The following ANO7 variants were observed in gnomAD, a reference collection of about 807,000 sequenced individuals.
ANO7 encodes the protein anoctamin-7.
Under a neutral mutation model 115.8 loss-of-function variants are expected in ANO7, and 114 were observed. The observed-to-expected ratio is 0.98, with a 90% confidence interval of 0.85 to 1.15. The LOEUF (loss-of-function observed/expected upper bound fraction) is 1.15. Ranked by LOEUF, ANO7 falls within the 50% of genes most tolerant of loss-of-function variation. The pLI is 0.00. For missense variants in ANO7, 1,302 were observed against 1,201.2 expected, an observed-to-expected ratio of 1.08 and a Z score of -1.24; for synonymous variants, 550 against 498.2, an observed-to-expected ratio of 1.10 and a Z score of -1.38.
intron 17 of ANO7, chr2:241,212,965 G>A (rs766328333): frequency 1.9e-5 from 5 of 263,736 alleles, no homozygotes; most frequent in South Asian, 1.1e-4. Flanking sequence ...AGTCCTCATC[G>A]CCACAAAAAT....
chr2:241,201,260 C>T (rs779374568), intron 6 of ANO7, 38 bp from the exon 7 acceptor site: 1 of 1,605,254 alleles, frequency 6.2e-7, no homozygotes, highest in East Asian at 2.3e-5. Flanking sequence ...ATGCCCACAG[C>T]TTCCTCCAAA....
Position 241,223,251 on chromosome 2 carries a change from G to T in ANO7, c.2387G>T (p.Arg796Leu). ...ACCTACTGGAATCTTCTTGCCATCCGCCTGGCCTTCGTCATTGTGTTTGAG... is the reference window on the plus strand; with the variant it reads ...ACCTACTGGAATCTTCTTGCCATCCTCCTGGCCTTCGTCATTGTGTTTGAG... ...SQTYWNLLAI[R>L]LAFVIVFEHV... is the part of the protein sequence containing the mutation. Residue 796 changes from arginine to leucine, a missense_variant, in exon 22 of 25, where the codon CGC becomes CTC. Physicochemically the swap from Arg to Leu is moderately radical, Grantham distance 102 (BLOSUM62 -2). Coordinates refer to ENST00000674324, the MANE Select transcript of ANO7 (RefSeq NM_001370694.2). 1 of 1,614,204 alleles carries T rather than the reference G, an allele frequency of 6.2e-7. No individual in the cohort carries two copies. Among genetic ancestry groups the T allele is most frequent in the Non-Finnish European group, 8.5e-7 (1 of 1,180,040 alleles).
intron 21 of ANO7, among the ~76,000 whole-genome samples, chr2:241,218,932 A>G: frequency 6.6e-6 from 1 of 152,228 alleles, no homozygotes; most frequent in East Asian, 1.9e-4. Context: ...AGTTTTGGTC[A>G]GGGGTTAATA....
rs537638105 is a variant in ANO7, at chr2:241,203,535, C to G, written c.889+37C>G. On this transcript the variant is annotated intron_variant, in intron 9 of 24. Transcript: ENST00000674324. The surrounding 1 kb of genome is among the most constrained non-coding windows in gnomAD (Gnocchi z 4.8). ...CCGCTGCCCCCCAGACCACCTGGGC[C>G]CCCCCAGCTTGGTGTCAGGTTGTAA... 115 of 1,389,344 alleles carry G rather than the reference C, an allele frequency of 8.3e-5. 1 individual carries two copies. In the Middle Eastern group the frequency reaches 4.5e-3, roughly 55 times the overall value. 86.1% of individuals were successfully genotyped at this position (1,389,344 alleles called of 1,614,324 possible).
downstream of ANO7, among the ~76,000 whole-genome samples, chr2:241,226,157 C>T (rs376404290): frequency 4.5e-4 from 68 of 152,026 alleles, no homozygotes; most frequent in African/African-American, 1.5e-3. Context: ...GCCCTGATGC[C>T]CACATGCGCC....
Position 241,224,068 on chromosome 2 carries a change from C to T in ANO7, c.2584-29C>T, listed in dbSNP as rs2069096884. ...TGGCCTGCTCCTGGCCCTAGTCTGA[C>T]TTGTCCCTGCCCCCAACCCTCTCCC... On this transcript the variant is annotated intron_variant, in intron 24 of 24. Transcript: ENST00000674324. 1.9e-6 allele frequency: 3 copies of T among 1,613,782 alleles called. No homozygotes were observed. The East Asian group carries it at 6.7e-5, about 36-fold the overall frequency.
chr2:241,217,692 A>G lies in ANO7; in HGVS notation c.1979A>G (p.Gln660Arg), dbSNP rs749954045. Residue 660 changes from glutamine to arginine, a missense_variant, in exon 20 of 25, where the codon CAG becomes CGG. Gln to Arg is a conservative substitution (Grantham distance 43, BLOSUM62 1). Coordinates refer to ENST00000674324, the MANE Select transcript of ANO7 (RefSeq NM_001370694.2). ...CGTGACCCCCTCCCCGCAGTGCTGC[A>G]GTTCGGCTTCGTCACCATCTTCGTG... Reference protein sequence around the residue: ...LFDEYLEMVLQFGFVTIFVAA... With the variant: ...LFDEYLEMVLRFGFVTIFVAA... 37 of 1,585,212 alleles carry G rather than the reference A, an allele frequency of 2.3e-5. No homozygotes were observed. The East Asian group carries it at 5.7e-4, about 24-fold the overall frequency.
chr2:241,210,382 C>T lies in ANO7; in HGVS notation c.1447C>T (p.Leu483Phe). 1.2e-6 allele frequency: 2 copies of T among 1,614,052 alleles called. No homozygotes were observed. Among genetic ancestry groups the T allele is most frequent in the Non-Finnish European group, 1.7e-6 (2 of 1,180,002 alleles). ...GGTGTCCAGGTCGGGCAACACCCTT[C>T]TCGCAGCCTGGGTGAGCCTCTGCTG... ...IVVSRSGNTLLAAWASRIASL... is the reference protein window; with the variant it reads ...IVVSRSGNTLFAAWASRIASL... The change falls in exon 14 of 25, where the codon CTC becomes TTC. Residue 483 changes from leucine (L) to phenylalanine (F), a missense_variant. By Grantham distance (22) the Leu-to-Phe change is conservative. Transcript: ENST00000674324.
chr2:241,222,518 A>G (rs1178927098), intron 21 of ANO7, among the ~76,000 whole-genome samples: 2 of 151,800 alleles, frequency 1.3e-5, no homozygotes, highest in African/African-American at 4.8e-5. Flanking sequence ...TGGCCACTTA[A>G]AAGTTTATTC....
At chr2:241,209,785 G>A in intron 13 of ANO7, 150 bp downstream of exon 13, 2 of 1,227,618 alleles carry the variant, frequency 1.6e-6, no homozygotes, top group Non-Finnish European at 2.2e-6. Context: ...CATGTGCCCG[G>A]GCTCGGCCGT....
chr2:241,239,866 C>T, the ANO7 span: 5 of 1,612,538 alleles, frequency 3.1e-6, no homozygotes, highest in Admixed American at 8.3e-5. The surrounding 1 kb of genome is among the most constrained non-coding windows in gnomAD (Gnocchi z 4.6). Flanking sequence ...CCATCACGGC[C>T]CCAGCAGAGT....
At position 241,195,844 on chromosome 2, in the gene ANO7, A is replaced by G. The variant is rs2068314361; in HGVS notation, c.308A>G (p.Gln103Arg). The G allele has an allele frequency of 1.2e-6, 2 of 1,613,434 alleles. No individual in the cohort carries two copies. The highest frequency in any genetic ancestry group is 2.2e-5 in the East Asian group (1 of 44,810). ...CGTGCGGCTGGGCTGTGTGTAGACCAGGTACGTGGAGGCTGTCATGGGCAG... is the reference window on the plus strand; with the variant it reads ...CGTGCGGCTGGGCTGTGTGTAGACCGGGTACGTGGAGGCTGTCATGGGCAG... Reference protein sequence around the residue: ...NLRAAGLCVDQQDVQDGNTTV... With the variant: ...NLRAAGLCVDRQDVQDGNTTV... Residue 103 changes from glutamine (Q) to arginine (R), a missense_variant and splice_region_variant, in exon 4 of 25, where the codon CAG (glutamine) becomes CGG (arginine). Physicochemically the swap from Gln to Arg is conservative, Grantham distance 43. Coordinates refer to ENST00000674324, the MANE Select transcript of ANO7 (RefSeq NM_001370694.2).
Position 241,207,659 on chromosome 2 carries a change from G to A in ANO7, c.1066G>A (p.Ala356Thr), listed in dbSNP as rs1559448043. ...TTTCTGGCTGCTCTCCAGCGCCTGT[G>A]CCCTGGCCCAGGTACGAGAAGAGGT... is the stretch of plus-strand genomic sequence containing the variant. Reference protein sequence around the residue: ...CPFWLLSSACALAQAGRLFDH... With the variant: ...CPFWLLSSACTLAQAGRLFDH... The change falls in exon 11 of 25, where the codon GCC becomes ACC. Residue 356 changes from alanine to threonine, a missense_variant. Transcript: ENST00000674324. The A allele has an allele frequency of 1.2e-6, 2 of 1,613,728 alleles. No individual in the cohort carries two copies. Among genetic ancestry groups the A allele is most frequent in the Non-Finnish European group, 1.7e-6 (2 of 1,179,966 alleles).
At position 241,216,997 on chromosome 2, in the gene ANO7, C is replaced by A. The variant is rs1456835111; in HGVS notation, c.1973-689C>A. On this transcript the variant is annotated intron_variant, in intron 19 of 24. Coordinates refer to ENST00000674324, the MANE Select transcript of ANO7 (RefSeq NM_001370694.2). ...TACAGGCGCCCACCACCACGCCCGG[C>A]TAATTTTGTATTTTTAGTAGAGGCG... Among the ~76,000 whole-genome samples, 3 of 152,134 alleles carry A rather than the reference C, an allele frequency of 2.0e-5. No individual in the cohort carries two copies. In the East Asian group the frequency reaches 5.8e-4, roughly 29 times the overall value.
In ANO7 at chr2:241,204,951, C is replaced by G. The variant is rs765063722; in HGVS notation, c.976C>G (p.Pro326Ala). The G allele has an allele frequency of 1.2e-6, 2 of 1,613,754 alleles. No homozygotes were observed. Among genetic ancestry groups the G allele is most frequent in the African/African-American group, 2.7e-5 (2 of 74,934 alleles). ...CTGCTTCCTGGTGTTCTCAGACATA[C>G]CCACGTGAGTGTTCCCTCTCCGCAG... ...VGCFLVFSDI[P>A]TQELCGSKDS... Residue 326 changes from proline (P) to alanine (A), a missense_variant, in exon 10 of 25, where the codon CCC becomes GCC. Coordinates refer to ENST00000674324, the MANE Select transcript of ANO7 (RefSeq NM_001370694.2).
chr2:241,237,175 T>C, the ANO7 span, among the ~76,000 whole-genome samples: 1 of 151,996 alleles, frequency 6.6e-6, no homozygotes, highest in Non-Finnish European at 1.5e-5. Context: ...GCAGGGCTCA[T>C]CAGGGAAGGC....
intron 18 of ANO7, among the ~76,000 whole-genome samples, chr2:241,215,793 T>C (rs1243113967): frequency 1.3e-5 from 2 of 152,246 alleles, no homozygotes; most frequent in African/African-American, 4.8e-5. Context: ...CTCTTGGCAC[T>C]GCTTTGCAAT....
Position 241,225,565 on chromosome 2 carries a change from G to A in ANO7, c.*1412G>A, listed in dbSNP as rs2149284915. Among the ~76,000 whole-genome samples, 1 of 152,280 alleles carries A rather than the reference G, an allele frequency of 6.6e-6. No individual in the cohort carries two copies. Among genetic ancestry groups the A allele is most frequent in the South Asian group, 2.1e-4 (1 of 4,820 alleles). On this transcript the variant is annotated 3_prime_UTR_variant, in exon 25 of 25. Transcript: ENST00000674324. ...CAAAAAGAATATGTGGTTTTAATGT[G>A]CTTTGATGAGTACTGCCAAACTTAC...
At chr2:241,211,808 G>A (rs531121541) in intron 15 of ANO7, among the ~76,000 whole-genome samples, 7 of 152,274 alleles carry the variant, frequency 4.6e-5, no homozygotes, top group South Asian at 2.1e-4. Context: ...CCTTGGCACC[G>A]AGCCTCTATT....
Sources: allele counts gnomAD v4.1 joint callset (sites outside exome capture counted in the v4.1 genomes callset), GRCh38; gene constraint gnomAD v4.1.1; non-coding constraint Gnocchi (gnomAD v3.1); transcripts MANE v1.5; gene names NCBI Gene and HGNC (gene_info 2026-07-23, HGNC 2026-07-21).